TUBGCP2: variants seen among roughly 807,000 people sequenced by gnomAD.
TUBGCP2 encodes the protein gamma-tubulin complex component 2.
TUBGCP2 carries 55 observed loss-of-function variants against 92.2 expected under a neutral mutation model. The ratio of observed to expected loss-of-function variants is 0.60; its 90% confidence interval spans 0.48 to 0.75. The LOEUF (loss-of-function observed/expected upper bound fraction) is 0.75. TUBGCP2 is among the 30% of genes least tolerant of loss of function. TUBGCP2 has a pLI of 0.00. For missense variants in TUBGCP2, 1,093 were observed against 1,188.9 expected (o/e 0.92, Z 1.19); for synonymous variants, 533 against 505.2 (o/e 1.06, Z -0.74).
rs1847893057 is a variant in TUBGCP2, at chr10:133,308,762, C to A, written c.-40+61G>T. 1.1e-5 allele frequency: 4 copies of A among 353,080 alleles called. No individual in the cohort carries two copies. In the Admixed American group the frequency reaches 1.9e-4, roughly 17 times the overall value. The allele number at this position is 353,080 out of a possible 1,614,324, so 21.9% of individuals were successfully genotyped here. On this transcript the variant is annotated intron_variant, in intron 1 of 17. Coordinates refer to ENST00000252936, the MANE Select transcript of TUBGCP2 (RefSeq NM_006659.4). ...AGCCCCGTCGCCTCGTGGGCCCCCC[C>A]GGGCCTGGCAGTCCCCCAACCCCCT...
Position 133,293,129 on chromosome 10 carries a change from G to C in TUBGCP2, c.934C>G (p.Gln312Glu). The C allele has an allele frequency of 3.7e-6, 6 of 1,613,926 alleles. No individual in the cohort carries two copies. Among genetic ancestry groups the C allele is most frequent in the South Asian group, 1.1e-5 (1 of 91,078 alleles). The stretch of plus-strand genomic sequence containing the variant: ...GAAAGGAGGCCCTGCCTGTGCAGCT[G>C]CTCCAGCTGTGACACCAGAATCAGG... ...EHLILVSQLE[Q>E]LHRQGLLSLQ... Residue 312 changes from glutamine (Q) to glutamate (E), a missense_variant, in exon 7 of 18, where the codon CAG (glutamine) becomes GAG (glutamate). Around this residue, in one of 3 missense-constraint regions of TUBGCP2, gnomAD observed 490 missense variants for 488.5 expected, o/e 1.00. Coordinates refer to ENST00000252936, the MANE Select transcript of TUBGCP2 (RefSeq NM_006659.4).
chr10:133,283,759 CT>C (rs1847055676), intron 14 of TUBGCP2, 122 bp downstream of exon 14: 1 of 1,470,778 alleles, frequency 6.8e-7, no homozygotes, highest in African/African-American at 1.4e-5. Context: ...CTGCGTCTCC[CT>C]GCATTCCCTG....
intron 1 of TUBGCP2, among the ~76,000 whole-genome samples, chr10:133,306,241 C>T (rs1847815556): frequency 6.6e-6 from 1 of 152,208 alleles, no homozygotes; most frequent in Non-Finnish European, 1.5e-5. Flanking sequence ...GCCCTGCAAA[C>T]TACTTGTGAA....
Position 133,299,616 on chromosome 10 carries a change from A to G in TUBGCP2, c.280-13T>C, listed in dbSNP as rs371428198. 6.9e-6 allele frequency: 11 copies of G among 1,592,834 alleles called. No homozygotes were observed. Among genetic ancestry groups the G allele is most frequent in the Non-Finnish European group, 8.6e-6 (10 of 1,165,410 alleles). ...AGTACTGCAGAGTCTGAAAACATGT[A>G]AAACTGTGTGTTCACACTGGGCCAG... On this transcript the variant is annotated splice_polypyrimidine_tract_variant and intron_variant, in intron 3 of 17. Coordinates refer to ENST00000252936, the MANE Select transcript of TUBGCP2 (RefSeq NM_006659.4).
At chr10:133,286,195 G>A (rs369267004) in intron 11 of TUBGCP2, among the ~76,000 whole-genome samples, 1 of 152,024 alleles carries the variant, frequency 6.6e-6, no homozygotes, top group Non-Finnish European at 1.5e-5. Flanking sequence ...ACGCAGAAAT[G>A]AGCCCCTGAC....
chr10:133,312,077 T>A, upstream of TUBGCP2: 5 of 1,458,948 alleles, frequency 3.4e-6, no homozygotes, highest in South Asian at 5.8e-5. Flanking sequence ...CAAGCACCAC[T>A]CACTTTTCCT....
chr10:133,302,626 G>C (rs1847698604), intron 2 of TUBGCP2, 166 bp downstream of exon 2: 4 of 780,270 alleles, frequency 5.1e-6, no homozygotes, highest in Non-Finnish European at 8.1e-6. Context: ...ACCCAGGGGT[G>C]GGCTCACCCT....
chr10:133,280,403 G>C (rs1846937282), intron 17 of TUBGCP2, among the ~76,000 whole-genome samples: 1 of 152,110 alleles, frequency 6.6e-6, no homozygotes, highest in South Asian at 2.1e-4. Flanking sequence ...CAGGGCACAG[G>C]GTGGTCCAAA....
intron 2 of TUBGCP2, among the ~76,000 whole-genome samples, chr10:133,301,023 G>A (rs1052030482): frequency 1.3e-5 from 2 of 152,102 alleles, no homozygotes; most frequent in African/African-American, 4.8e-5. Context: ...AGTAGTTTAT[G>A]CGTTCATTGT....
intron 1 of TUBGCP2, chr10:133,308,521 G>C (rs1013184718): frequency 6.5e-6 from 1 of 154,860 alleles, no homozygotes; most frequent in East Asian, 1.9e-4. Context: ...GCGGACGGGA[G>C]AGGGCGTGCG....
rs1350346824 is a variant in TUBGCP2 at position 133,293,157 on chromosome 10, C to A, written c.906G>T (p.Glu302Asp). The A allele has an allele frequency of 1.2e-6, 2 of 1,613,854 alleles. No homozygotes were observed. Among genetic ancestry groups the A allele is most frequent in the African/African-American group, 1.3e-5 (1 of 74,964 alleles). The change falls in exon 7 of 18, where the codon GAG becomes GAT. Residue 302 changes from glutamate to aspartate, a missense_variant. Glu to Asp is a conservative substitution (Grantham distance 45). Around this residue, in one of 3 missense-constraint regions of TUBGCP2, gnomAD observed 490 missense variants for 488.5 expected, o/e 1.00. Transcript: ENST00000252936. The part of the protein sequence containing the change: ...LAAAMRTLVK[E>D]HLILVSQLEQ... ...CCAGCTGTGACACCAGAATCAGGTG[C>A]TCCTTCACCAGGGTGCGCATGGCGG...
At chr10:133,286,133 G>T (rs1423387557) in intron 11 of TUBGCP2, among the ~76,000 whole-genome samples, 1 of 152,088 alleles carries the variant, frequency 6.6e-6, no homozygotes, top group African/African-American at 2.4e-5. Context: ...AAGGGCAGGG[G>T]ATAAAGCAAG....
upstream of TUBGCP2, chr10:133,309,962 TGA>T: frequency 6.2e-7 from 1 of 1,613,190 alleles, no homozygotes; most frequent in Non-Finnish European, 8.5e-7. Context: ...AGATCCTGTC[TGA>T]GAGGCAGGAC....
chr10:133,285,158 C>A lies in TUBGCP2; in HGVS notation c.1951G>T (p.Val651Leu), dbSNP rs752431597. 2 of 1,613,588 alleles carry A rather than the reference C, an allele frequency of 1.2e-6. No homozygotes were observed. Among genetic ancestry groups the A allele is most frequent in the Non-Finnish European group, 1.7e-6 (2 of 1,179,960 alleles). Residue 651 changes from valine (V) to leucine (L), a missense_variant, in exon 13 of 18, where the codon GTG (valine) becomes TTG (leucine). Physicochemically the swap from Val to Leu is conservative, Grantham distance 32. Around this residue, in one of 3 missense-constraint regions of TUBGCP2, gnomAD observed 598 missense variants for 675.5 expected, o/e 0.89. Coordinates refer to ENST00000252936, the MANE Select transcript of TUBGCP2 (RefSeq NM_006659.4). This position sits in a 1 kb window ranked among gnomAD's most constrained non-coding sequence, Gnocchi z 6.8. ...LFRHMFYCKH[V>L]ERQLCSVWIS... ...CAGACGCTGCAGAGCTGCCGCTCCA[C>A]GTGCTTGCAGTAGAACATGTGCCTG... is the stretch of plus-strand genomic sequence containing the variant.
intron 5 of TUBGCP2, chr10:133,295,511 C>T (rs770229798): frequency 6.6e-6 from 1 of 152,334 alleles, no homozygotes; most frequent in African/African-American, 2.4e-5. Flanking sequence ...CATCTCAACA[C>T]CTGCGATGTC....
At chr10:133,304,695 T>C (rs988455554) in intron 1 of TUBGCP2, among the ~76,000 whole-genome samples, 2 of 152,232 alleles carry the variant, frequency 1.3e-5, no homozygotes, top group African/African-American at 2.4e-5. Flanking sequence ...ATCTAGATCA[T>C]AGATATGATT....
Position 133,302,961 on chromosome 10 carries a change from G to T in TUBGCP2, c.-20C>A. 1.9e-6 allele frequency: 3 copies of T among 1,613,814 alleles called. No individual in the cohort carries two copies. In the South Asian group the frequency reaches 3.3e-5, roughly 18 times the overall value. ...ACTCATAGTTTTAGCTCTGAGGCACGAACATCACAATATGTTCTCCTATAG... is the reference window on the plus strand; with the variant it reads ...ACTCATAGTTTTAGCTCTGAGGCACTAACATCACAATATGTTCTCCTATAG... On this transcript the variant is annotated 5_prime_UTR_variant, in exon 2 of 18. Transcript: ENST00000252936.
chr10:133,284,076 A>G (rs1325642122), intron 13 of TUBGCP2, 74 bp from the exon 14 acceptor site: 3 of 1,577,224 alleles, frequency 1.9e-6, no homozygotes, highest in South Asian at 2.3e-5. Flanking sequence ...GACACGGAGG[A>G]CGGAGGACAG....
chr10:133,308,865 G>A lies in TUBGCP2; in HGVS notation c.-82C>T, dbSNP rs1016979551. 8 of 1,164,680 alleles carry A rather than the reference G, an allele frequency of 6.9e-6. No homozygotes were observed. The highest frequency in any genetic ancestry group is 4.5e-5 in the Admixed American group (1 of 22,414). 72.1% of individuals were successfully genotyped at this position (1,164,680 alleles called of 1,614,324 possible). On this transcript the variant is annotated 5_prime_UTR_variant, in exon 1 of 18. Coordinates refer to ENST00000252936, the MANE Select transcript of TUBGCP2 (RefSeq NM_006659.4). ...AGCCCCCGCGCAGCCCCCGACGGCG[G>A]CGGAAGTGAGCGTGACGTCACGTCC...
Sources: gnomAD v4.1 joint callset for allele counts (sites outside exome capture counted in the v4.1 genomes callset) on GRCh38, gnomAD v4.1.1 for gene constraint, gnomAD v4.1.1 regional missense constraint, Gnocchi (gnomAD v3.1) non-coding constraint, MANE v1.5 for transcripts, NCBI Gene and HGNC (gene_info 2026-07-23, HGNC 2026-07-21) for gene names.